The following CDKL2 variants were observed in gnomAD, a reference collection of about 807,000 sequenced individuals.
The protein encoded by CDKL2 is cyclin dependent kinase like 2.
Under a neutral mutation model 63.9 loss-of-function variants are expected in CDKL2, and 64 were observed. That is an observed-to-expected ratio of 1.00 (90% CI 0.82 to 1.23). CDKL2 has a LOEUF of 1.23. Ranked by LOEUF, CDKL2 falls within the 50% of genes most tolerant of loss-of-function variation. CDKL2 has a pLI of 0.00. For synonymous variants in CDKL2, 211 were observed against 229.2 expected (o/e 0.92, Z 0.72); for missense variants, 656 against 668.0 (o/e 0.98, Z 0.20).
In CDKL2 at chr4:75,620,052, G is replaced by A. The variant is rs1195274364; in HGVS notation, c.169-5603C>T. On this transcript the variant is annotated intron_variant, in intron 2 of 13. Coordinates refer to ENST00000307465, the MANE Select transcript of CDKL2 (RefSeq NM_001330724.2). ...ATTAAAAAAATTAGCTGGGCATGGTGGCACATGCCTGTAGTCCAAGCTTCA... is the reference window on the plus strand; with the variant it reads ...ATTAAAAAAATTAGCTGGGCATGGTAGCACATGCCTGTAGTCCAAGCTTCA... Among the ~76,000 whole-genome samples the A allele has an allele frequency of 3.3e-5, 5 of 152,090 alleles. No homozygotes were observed. The East Asian group carries it at 5.8e-4, about 18-fold the overall frequency.
At chr4:75,597,809 T>C (rs1464160507) in intron 8 of CDKL2, among the ~76,000 whole-genome samples, 1 of 152,250 alleles carries the variant, frequency 6.6e-6, no homozygotes, top group African/African-American at 2.4e-5. Flanking sequence ...TGTGTGTATA[T>C]GTGTTCATGA....
chr4:75,577,505 TG>T lies in CDKL2; in HGVS notation c.*1696del, dbSNP rs1163941887. The stretch of plus-strand genomic sequence containing the variant: ...GCTAGTATAAAAACTGCAAGGCAAT[TG>T]ATCCTAGAACCTCAACCATTGAGCT... On this transcript the variant is annotated 3_prime_UTR_variant, in exon 14 of 14. Coordinates refer to ENST00000307465, the MANE Select transcript of CDKL2 (RefSeq NM_001330724.2). Among the ~76,000 whole-genome samples the T allele has an allele frequency of 6.6e-6, 1 of 152,204 alleles. No individual in the cohort carries two copies. Among genetic ancestry groups the T allele is most frequent in the African/African-American group, 2.4e-5 (1 of 41,460 alleles).
chr4:75,615,380 A>G (rs896610193), intron 2 of CDKL2, among the ~76,000 whole-genome samples: 1 of 152,232 alleles, frequency 6.6e-6, no homozygotes, highest in African/African-American at 2.4e-5. Flanking sequence ...AGAAAGGAGA[A>G]AGAAACATAA....
chr4:75,626,320 C>T (rs1730405091), intron 1 of CDKL2, among the ~76,000 whole-genome samples: 1 of 152,122 alleles, frequency 6.6e-6, no homozygotes, highest in Non-Finnish European at 1.5e-5. Context: ...TTTTTAATTC[C>T]AATAAAGCAA....
intron 3 of CDKL2, among the ~76,000 whole-genome samples, chr4:75,609,328 C>T (rs1014787041): frequency 3.3e-5 from 5 of 151,920 alleles, no homozygotes; most frequent in Non-Finnish European, 7.4e-5. Flanking sequence ...AAAATCTGGC[C>T]AGGTGCGGTG....
rs75209690 is a variant in CDKL2, at chr4:75,601,623, G to A, written c.796-1254C>T. ...AACTATTCTTTCTATTTTCTTTTCC[G>A]TTTGAAATTTTCCATAATAAAATGT... On this transcript the variant is annotated intron_variant, in intron 6 of 13. Transcript: ENST00000307465. Among the ~76,000 whole-genome samples the A allele has an allele frequency of 4.0e-3, 615 of 152,112 alleles. 1 individual carries two copies. Among genetic ancestry groups the A allele is most frequent in the African/African-American group, 9.2e-3 (380 of 41,518 alleles).
intron 3 of CDKL2, 144 bp downstream of exon 3, chr4:75,614,111 A>T: frequency 1.8e-6 from 1 of 544,908 alleles, no homozygotes; most frequent in East Asian, 3.2e-5. Flanking sequence ...TTTAACTCCA[A>T]TTAATAGATG....
chr4:75,605,476 A>C, intron 5 of CDKL2, 46 bp downstream of exon 5: 1 of 1,127,736 alleles, frequency 8.9e-7, no homozygotes, highest in Non-Finnish European at 1.3e-6. Context: ...ACAAACAAAT[A>C]TGCAGAAAAA....
Position 75,625,941 on chromosome 4 carries a change from T to G in CDKL2, c.48A>C (p.Gly16=). ...CTTTATTCCTACACTTCATCACCATTCCATAACTCCCTTCTCCAACCAAAC... is the reference window on the plus strand; with the variant it reads ...CTTTATTCCTACACTTCATCACCATGCCATAACTCCCTTCTCCAACCAAAC... ...NLGLVGEGSY[G]MVMKCRNKDT... Residue 16 remains glycine, a synonymous_variant, in exon 2 of 14, where the codon GGA becomes GGC. Transcript: ENST00000307465. 1 of 1,612,260 alleles carries G rather than the reference T, an allele frequency of 6.2e-7. No individual in the cohort carries two copies. The highest frequency in any genetic ancestry group is 8.5e-7 in the Non-Finnish European group (1 of 1,179,386).
chr4:75,609,648 GATATATTAT>G (rs1383573524), intron 3 of CDKL2, among the ~76,000 whole-genome samples: 1 of 147,050 alleles, frequency 6.8e-6, no homozygotes, highest in East Asian at 2.0e-4. Context: ...TATCATATAT[GATATATTAT>G]ATATATAATA....
chr4:75,590,987 T>C (rs1459455827), intron 12 of CDKL2, among the ~76,000 whole-genome samples: 1 of 152,156 alleles, frequency 6.6e-6, no homozygotes, highest in East Asian at 1.9e-4. Context: ...AAATGAGTGA[T>C]ATGGCTGTTG....
chr4:75,589,327 C>T (rs1385297074), intron 12 of CDKL2, among the ~76,000 whole-genome samples: 4 of 105,580 alleles, frequency 3.8e-5, no homozygotes, highest in African/African-American at 1.1e-4. Flanking sequence ...TTTTTTGAGA[C>T]GGAGTCTCGC....
intron 12 of CDKL2, among the ~76,000 whole-genome samples, chr4:75,584,361 A>G (rs1194257877): frequency 6.6e-6 from 1 of 152,174 alleles, no homozygotes; most frequent in Non-Finnish European, 1.5e-5. Context: ...CCAGCAAGGA[A>G]ATAGGGACTT....
chr4:75,581,979 C>A, intron 12 of CDKL2, 81 bp from the exon 13 acceptor site: 1 of 877,310 alleles, frequency 1.1e-6, no homozygotes, highest in Non-Finnish European at 1.9e-6. Context: ...TCTATTTGTT[C>A]AAATATTAGA....
At chr4:75,622,458 T>C (rs886566150) in intron 2 of CDKL2, among the ~76,000 whole-genome samples, 1 of 151,902 alleles carries the variant, frequency 6.6e-6, no homozygotes, top group Non-Finnish European at 1.5e-5. Flanking sequence ...TGGTGGCTCA[T>C]GCCTGTAATC....
intron 12 of CDKL2, among the ~76,000 whole-genome samples, chr4:75,589,001 A>C (rs1728589620): frequency 6.6e-6 from 1 of 152,252 alleles, no homozygotes; most frequent in Non-Finnish European, 1.5e-5. Context: ...ATAATGACTC[A>C]ACAATGTGAA....
chr4:75,605,400 C>T (rs1480341783), intron 5 of CDKL2, 122 bp downstream of exon 5: 11 of 617,888 alleles, frequency 1.8e-5, no homozygotes, highest in East Asian at 1.1e-4. Context: ...CTATATGCTC[C>T]CTACCTTCAC....
rs1471637845 is a variant in CDKL2 at position 75,576,961 on chromosome 4, A to G, written c.*2241T>C. ...GACCATGCTGCTTATATCACCAGCTATACAAGAAAATTAGCTTGCCATCCC... is the reference window on the plus strand; with the variant it reads ...GACCATGCTGCTTATATCACCAGCTGTACAAGAAAATTAGCTTGCCATCCC... On this transcript the variant is annotated 3_prime_UTR_variant, in exon 14 of 14. Transcript: ENST00000307465. Among the ~76,000 whole-genome samples, 2 of 152,198 alleles carry G rather than the reference A, an allele frequency of 1.3e-5. No individual in the cohort carries two copies. Among genetic ancestry groups the G allele is most frequent in the African/African-American group, 4.8e-5 (2 of 41,468 alleles).
At chr4:75,604,488 A>C (rs1414943348) in intron 5 of CDKL2, among the ~76,000 whole-genome samples, 1 of 152,218 alleles carries the variant, frequency 6.6e-6, no homozygotes, top group African/African-American at 2.4e-5. Context: ...AATTACCCCC[A>C]AGTATTTTCC....
Sources: gnomAD v4.1 joint callset for allele counts (sites outside exome capture counted in the v4.1 genomes callset) on GRCh38, gnomAD v4.1.1 for gene constraint, MANE v1.5 for transcripts, NCBI Gene and HGNC (gene_info 2026-07-23, HGNC 2026-07-21) for gene names.